SPATS1: variants seen among roughly 807,000 people sequenced by gnomAD.
The protein encoded by SPATS1 is spermatogenesis-associated serine-rich protein 1.
In SPATS1, 23 loss-of-function variants were observed where a neutral mutation model predicts 33.6. The observed-to-expected ratio is 0.68, with a 90% CI of 0.49 to 0.97. The LOEUF (loss-of-function observed/expected upper bound fraction) is 0.97, where lower values mean the gene tolerates loss of function less well. SPATS1 is among the 50% of genes least tolerant of loss of function. The pLI is 0.00. For synonymous variants in SPATS1, 131 were observed against 125.6 expected, an observed-to-expected ratio of 1.04 and a Z score of -0.29; for missense variants, 327 against 361.0, an observed-to-expected ratio of 0.91 and a Z score of 0.76.
At chr6:44,343,579 A>G (rs377002650) in intron 2 of SPATS1, 8 of 462,520 alleles carry the variant, frequency 1.7e-5, no homozygotes, top group Non-Finnish European at 2.6e-5. Context: ...GGGATTTGAC[A>G]TGAGTCTGCC....
intron 6 of SPATS1, among the ~76,000 whole-genome samples, chr6:44,368,928 G>T (rs1789412307): frequency 6.9e-6 from 1 of 144,146 alleles, no homozygotes; most frequent in South Asian, 2.2e-4. Flanking sequence ...ACGGAGTCTC[G>T]CTCCGTCGCC....
In SPATS1 at chr6:44,352,825, C is replaced by G. The variant is rs1392392681; in HGVS notation, c.239C>G (p.Pro80Arg). 1 of 1,614,120 alleles carries G rather than the reference C, an allele frequency of 6.2e-7. No homozygotes were observed. The highest frequency in any genetic ancestry group is 1.7e-5 in the Admixed American group (1 of 60,002). ...TCCTCATCTTCTGTGGAAACAGGCC[C>G]AAGTGTCAGTGAGCCTCCTGGCCTC... is the stretch of plus-strand genomic sequence containing the variant. The part of the protein sequence containing the change: ...VSSSSSVETG[P>R]SVSEPPGLPR... The change falls in exon 3 of 9, where the codon CCA (proline) becomes CGA (arginine). Residue 80 changes from proline to arginine, a missense_variant. Physicochemically the swap from Pro to Arg is moderately radical, Grantham distance 103. Coordinates refer to ENST00000674044, the MANE Select transcript of SPATS1 (RefSeq NM_001372081.1).
chr6:44,344,388 TAC>T (rs1491126082), intron 2 of SPATS1, among the ~76,000 whole-genome samples: 72 of 130,884 alleles, frequency 5.5e-4, no homozygotes, highest in Admixed American at 1.9e-3. Context: ...CAATTGAAGA[TAC>T]GTGTGTGTGT....
At chr6:44,371,757 A>G (rs1789628619) in intron 7 of SPATS1, among the ~76,000 whole-genome samples, 1 of 151,642 alleles carries the variant, frequency 6.6e-6, no homozygotes, top group South Asian at 2.1e-4. Context: ...CATCCTGGCT[A>G]ACACAGTGAA....
intron 5 of SPATS1, among the ~76,000 whole-genome samples, chr6:44,362,241 AGT>A (rs1313643444): frequency 6.6e-6 from 1 of 152,212 alleles, no homozygotes; most frequent in Non-Finnish European, 1.5e-5. Context: ...GTGACATTTA[AGT>A]CATCAGATAA....
intron 2 of SPATS1, among the ~76,000 whole-genome samples, chr6:44,345,769 A>G (rs1202755812): frequency 6.6e-6 from 1 of 152,168 alleles, no homozygotes; most frequent in Non-Finnish European, 1.5e-5. Context: ...CATGCATTTC[A>G]TGGCTTTTTC....
intron 2 of SPATS1, among the ~76,000 whole-genome samples, chr6:44,344,431 C>G (rs1787754935): frequency 7.1e-6 from 1 of 141,106 alleles, no homozygotes; most frequent in African/African-American, 2.7e-5. Flanking sequence ...GTGCATTTTT[C>G]CATCAGAGAA....
At chr6:44,361,731 T>C (rs1307307676) in intron 4 of SPATS1, 100 bp from the exon 5 acceptor site, 1 of 1,476,470 alleles carries the variant, frequency 6.8e-7, no homozygotes, top group Non-Finnish European at 9.4e-7. Flanking sequence ...TAAAGTTATA[T>C]AGCCAGATAG....
chr6:44,378,269 C>A lies in SPATS1; in HGVS notation c.*1206C>A, dbSNP rs9395010. 26,798 of 151,658 alleles carry A rather than the reference C, an allele frequency of 0.18. 2,749 individuals carry two copies. Among genetic ancestry groups the A allele is most frequent in the East Asian group, 0.44 (2,240 of 5,136 alleles). 9.4% of individuals were successfully genotyped at this position (151,658 alleles called of 1,614,324 possible). Reference sequence around the variant, plus strand: ...TTGACACAGTCAAACTAGTGACTCACGGCATTTTTACAGCCAATCTCTTTC... The same window carrying A: ...TTGACACAGTCAAACTAGTGACTCAAGGCATTTTTACAGCCAATCTCTTTC... On this transcript the variant is annotated 3_prime_UTR_variant, in exon 9 of 9. Coordinates refer to ENST00000674044, the MANE Select transcript of SPATS1 (RefSeq NM_001372081.1).
At chr6:44,352,179 G>A (rs1788281119) in intron 2 of SPATS1, among the ~76,000 whole-genome samples, 2 of 152,082 alleles carry the variant, frequency 1.3e-5, no homozygotes, top group Admixed American at 1.3e-4. Flanking sequence ...TGCCCAGGCT[G>A]GAGTGCAGTC....
intron 2 of SPATS1, among the ~76,000 whole-genome samples, chr6:44,345,295 C>T (rs1158230588): frequency 6.6e-6 from 1 of 152,076 alleles, no homozygotes; most frequent in South Asian, 2.1e-4. Context: ...GCCAGTTTAG[C>T]AAGAGATTGC....
chr6:44,350,054 G>A (rs1788143408), intron 2 of SPATS1, among the ~76,000 whole-genome samples: 1 of 152,170 alleles, frequency 6.6e-6, no homozygotes, highest in Admixed American at 6.5e-5. Context: ...TACACCTCAA[G>A]CAACCAGTTG....
intron 5 of SPATS1, among the ~76,000 whole-genome samples, chr6:44,363,232 C>G (rs903609536): frequency 6.6e-6 from 1 of 152,102 alleles, no homozygotes; most frequent in Admixed American, 6.6e-5. Flanking sequence ...GCCAGCCCCC[C>G]AGCCCCAGGC....
chr6:44,361,347 C>T, intron 4 of SPATS1: 1 of 985,420 alleles, frequency 1.0e-6, no homozygotes, highest in Non-Finnish European at 1.2e-6. Flanking sequence ...TATCACAGGT[C>T]CATTTCCCGG....
chr6:44,352,462 A>G (rs140660102), intron 2 of SPATS1, among the ~76,000 whole-genome samples: 46 of 152,164 alleles, frequency 3.0e-4, no homozygotes, highest in Non-Finnish European at 6.5e-4. Context: ...TTTACTTTTT[A>G]TGCAATCATA....
At chr6:44,350,249 C>T (rs1261136929) in intron 2 of SPATS1, among the ~76,000 whole-genome samples, 1 of 152,192 alleles carries the variant, frequency 6.6e-6, no homozygotes, top group Non-Finnish European at 1.5e-5. Flanking sequence ...ATTCTCGTGA[C>T]TGGGCAAATT....
intron 7 of SPATS1, 79 bp downstream of exon 7, chr6:44,370,192 G>C: frequency 7.4e-7 from 1 of 1,355,482 alleles, no homozygotes; most frequent in Non-Finnish European, 1.0e-6. Flanking sequence ...ATGTGGAGGA[G>C]CAGGTAGATA....
At chr6:44,346,463 G>A (rs181874257) in intron 2 of SPATS1, among the ~76,000 whole-genome samples, 1 of 152,248 alleles carries the variant, frequency 6.6e-6, no homozygotes, top group Non-Finnish European at 1.5e-5. Context: ...AGGGCTCACT[G>A]CAGACTCGAC....
Position 44,360,569 on chromosome 6 carries a change from G to A in SPATS1, c.411G>A (p.Thr137=), listed in dbSNP as rs757215357. 10 of 1,614,052 alleles carry A rather than the reference G, an allele frequency of 6.2e-6. No homozygotes were observed. The highest frequency in any genetic ancestry group is 2.2e-5 in the South Asian group (2 of 91,052). The stretch of plus-strand genomic sequence containing the variant: ...AATTCAGCCTGCTTAAGTTGCAGAC[G>A]AGTAAGTCACAGACCCTCCTCCACA... ...PEEFSLLKLQ[T]KDGHRPEWTF... Residue 137 remains threonine (T), a splice_region_variant and synonymous_variant, in exon 4 of 9, where the codon ACG becomes ACA. Transcript: ENST00000674044.
Sources: allele counts gnomAD v4.1 joint callset (sites outside exome capture counted in the v4.1 genomes callset), GRCh38; gene constraint gnomAD v4.1.1; transcripts MANE v1.5; gene names NCBI Gene and HGNC (gene_info 2026-07-23, HGNC 2026-07-21).